R3HDM1: variants seen among roughly 807,000 people sequenced by gnomAD.
R3HDM1 encodes the protein R3H domain-containing protein 1.
Under a neutral mutation model 141.1 loss-of-function variants are expected in R3HDM1, and 46 were observed. The observed-to-expected ratio is 0.33, with a 90% CI of 0.26 to 0.42. The LOEUF is 0.42. R3HDM1 is among the 10% of genes least tolerant of loss of function. The pLI is 1.00. For synonymous variants in R3HDM1, 435 were observed against 472.9 expected, an observed-to-expected ratio of 0.92 and a Z score of 1.04; for missense variants, 1,184 against 1,368.3, an observed-to-expected ratio of 0.87 and a Z score of 2.12.
chr2:135,657,694 G>A (rs966255598), intron 18 of R3HDM1, among the ~76,000 whole-genome samples: 4 of 152,120 alleles, frequency 2.6e-5, no homozygotes, highest in Non-Finnish European at 5.9e-5. Context: ...AGAGCAGAAT[G>A]TGAGTGAGCC....
chr2:135,586,806 A>G (rs1708038674), intron 1 of R3HDM1: 1 of 985,222 alleles, frequency 1.0e-6, no homozygotes, highest in South Asian at 4.7e-5. Context: ...CTGTGTGCTA[A>G]TTGGTATTTG....
At chr2:135,592,133 A>G (rs1276012786) in intron 1 of R3HDM1, among the ~76,000 whole-genome samples, 1 of 152,184 alleles carries the variant, frequency 6.6e-6, no homozygotes, top group Non-Finnish European at 1.5e-5. Context: ...TCTAATTAAC[A>G]TGTTTAGTCT....
chr2:135,553,936 C>T (rs1225415089), intron 1 of R3HDM1, among the ~76,000 whole-genome samples: 1 of 151,946 alleles, frequency 6.6e-6, no homozygotes, highest in Non-Finnish European at 1.5e-5. Context: ...CTGATCCGCC[C>T]ACCTTGCCTT....
At chr2:135,672,526 ACT>A (rs1437298286) in intron 19 of R3HDM1, among the ~76,000 whole-genome samples, 1 of 151,780 alleles carries the variant, frequency 6.6e-6, no homozygotes, top group African/African-American at 2.4e-5. Flanking sequence ...TTTTCATAAG[ACT>A]CTATTTATAC....
chr2:135,595,026 A>G (rs1710303662), intron 1 of R3HDM1, among the ~76,000 whole-genome samples: 1 of 146,698 alleles, frequency 6.8e-6, no homozygotes, highest in Non-Finnish European at 1.5e-5. Context: ...ATTAACATTG[A>G]TAACTCAAAA....
chr2:135,569,452 C>T (rs1460941540), intron 1 of R3HDM1, among the ~76,000 whole-genome samples: 1 of 151,606 alleles, frequency 6.6e-6, no homozygotes, highest in Non-Finnish European at 1.5e-5. Context: ...CACTGCACTC[C>T]AGCCTGGGCA....
chr2:135,712,546 A>G (rs1304290111), intron 23 of R3HDM1, among the ~76,000 whole-genome samples: 2 of 150,570 alleles, frequency 1.3e-5, no homozygotes, highest in South Asian at 2.1e-4. Context: ...TGCTGGGATC[A>G]TAGGCTTGAG....
At chr2:135,639,819 G>A (rs965278281) in intron 14 of R3HDM1, among the ~76,000 whole-genome samples, 8 of 152,116 alleles carry the variant, frequency 5.3e-5, no homozygotes, top group African/African-American at 1.2e-4. Context: ...TTCCCTGTCC[G>A]GGCGCAGTGG....
chr2:135,573,855 C>T lies in R3HDM1; in HGVS notation c.-249-28645C>T, dbSNP rs114064789. Among the ~76,000 whole-genome samples, 647 of 152,130 alleles carry T rather than the reference C, an allele frequency of 4.3e-3. 16 individuals are homozygous for T. The Middle Eastern group carries it at 0.12, about 29-fold the overall frequency. On this transcript the variant is annotated intron_variant, in intron 1 of 26. Coordinates refer to ENST00000683871, the MANE Select transcript of R3HDM1 (RefSeq NM_001378107.1). Reference sequence around the variant, plus strand: ...AAGAGGGCACTGTTAAAATAGGAATCTTGTAAAACATCCCAGTAATATGGT... The same window carrying T: ...AAGAGGGCACTGTTAAAATAGGAATTTTGTAAAACATCCCAGTAATATGGT...
At chr2:135,694,690 G>A (rs1037722484) in intron 21 of R3HDM1, among the ~76,000 whole-genome samples, 1 of 152,220 alleles carries the variant, frequency 6.6e-6, no homozygotes, top group Non-Finnish European at 1.5e-5. Context: ...GAGTCTCTGA[G>A]TTAGGAGATG....
rs779669881 is a variant in R3HDM1, at chr2:135,651,996, C to T, written c.1992C>T (p.Leu664=). 2 of 1,607,716 alleles carry T rather than the reference C, an allele frequency of 1.2e-6. No individual in the cohort carries two copies. The highest frequency in any genetic ancestry group is 2.2e-5 in the South Asian group (2 of 89,876). Residue 664 remains leucine (L), a synonymous_variant, in exon 18 of 27, where the codon CTC becomes CTT. Coordinates refer to ENST00000683871, the MANE Select transcript of R3HDM1 (RefSeq NM_001378107.1). The part of the protein sequence containing the change: ...ASGHPVSQPV[L]QQQGYIQQPS... ...GTCATCCTGTCAGCCAGCCTGTGCT[C>T]CAGCAGCAGGGATATATTCAGCAGC...
At chr2:135,541,779 G>A (rs1312012712) in intron 1 of R3HDM1, among the ~76,000 whole-genome samples, 1 of 149,560 alleles carries the variant, frequency 6.7e-6, no homozygotes, top group Non-Finnish European at 1.5e-5. Context: ...GAGACATGAA[G>A]TGAGCACATG....
rs1200059728 is a variant in R3HDM1 at position 135,620,620 on chromosome 2, G to A, written c.304-874G>A. On this transcript the variant is annotated intron_variant, in intron 5 of 26. Transcript: ENST00000683871. ...TACGTGTCTGATTGATGGTTTTCTT[G>A]ACTATAGAACAACAGTATAATTTAG... 8 of 980,362 alleles carry A rather than the reference G, an allele frequency of 8.2e-6. No individual in the cohort carries two copies. The South Asian group carries it at 3.8e-4, about 46-fold the overall frequency. The allele number at this position is 980,362 out of a possible 1,614,324, so 60.7% of individuals were successfully genotyped here. A position where few individuals can be genotyped will look rare whatever the true frequency, so the allele number is the denominator to read the frequency against.
chr2:135,672,510 CT>C (rs1332658510), intron 19 of R3HDM1, among the ~76,000 whole-genome samples: 1 of 152,162 alleles, frequency 6.6e-6, no homozygotes, highest in Non-Finnish European at 1.5e-5. Context: ...TAATTTCTTC[CT>C]CTTTTTTTCA....
intron 26 of R3HDM1, among the ~76,000 whole-genome samples, chr2:135,723,604 C>T (rs2076906682): frequency 6.6e-6 from 1 of 150,576 alleles, no homozygotes; most frequent in South Asian, 2.1e-4. Context: ...AAACTCCATC[C>T]GTCTCTACTG....
Position 135,597,286 on chromosome 2 carries a change from T to G in R3HDM1, c.-249-5214T>G, listed in dbSNP as rs1040689871. The G allele has an allele frequency of 5.1e-6, 5 of 975,576 alleles. No individual in the cohort carries two copies. The South Asian group carries it at 1.4e-4, about 28-fold the overall frequency. The allele number at this position is 975,576 out of a possible 1,614,324, so 60.4% of individuals were successfully genotyped here. On this transcript the variant is annotated intron_variant, in intron 1 of 26. Coordinates refer to ENST00000683871, the MANE Select transcript of R3HDM1 (RefSeq NM_001378107.1). ...AGGGAGTTCATTCTCTTTACTCTTT[T>G]TAAATGTAACTGATATTCATTAAAG...
At chr2:135,588,648 A>G (rs1040198369) in intron 1 of R3HDM1, among the ~76,000 whole-genome samples, 3 of 152,080 alleles carry the variant, frequency 2.0e-5, no homozygotes, top group Non-Finnish European at 4.4e-5. Context: ...TCATTATTTA[A>G]AAATTTTTTG....
chr2:135,722,077 C>T, intron 25 of R3HDM1, 71 bp downstream of exon 25: 2 of 1,454,516 alleles, frequency 1.4e-6, no homozygotes, highest in East Asian at 4.6e-5. Context: ...TAAGGGGCAA[C>T]CCTGAGCCCA....
chr2:135,676,998 G>A (rs1224590780), intron 20 of R3HDM1, among the ~76,000 whole-genome samples: 1 of 152,166 alleles, frequency 6.6e-6, no homozygotes, highest in Non-Finnish European at 1.5e-5. Flanking sequence ...ATGAAATACA[G>A]CAATGAACAG....
Sources: allele counts gnomAD v4.1 joint callset (sites outside exome capture counted in the v4.1 genomes callset), GRCh38; gene constraint gnomAD v4.1.1; transcripts MANE v1.5; gene names NCBI Gene and HGNC (gene_info 2026-07-23, HGNC 2026-07-21).